The following PCDHGA9 variants were observed in gnomAD, a reference collection of about 807,000 sequenced individuals.
The protein encoded by PCDHGA9 is protocadherin gamma subfamily A, 9, also known as protocadherin gamma-A9.
In PCDHGA9, 37 loss-of-function variants were observed where a neutral mutation model predicts 62.5. The observed-to-expected ratio is 0.59, with a 90% CI of 0.46 to 0.78. The LOEUF is 0.78. Among genes scored for constraint, PCDHGA9 ranks in the 30% least tolerant of loss-of-function variants. PCDHGA9 has a pLI of 0.00. For missense variants in PCDHGA9, 1,138 were observed against 1,166.2 expected, an observed-to-expected ratio of 0.98 and a Z score of 0.35; for synonymous variants, 459 against 484.6, an observed-to-expected ratio of 0.95 and a Z score of 0.69.
At chr5:141,497,839 A>G (rs1399696596) in intron 2 of PCDHGA9, among the ~76,000 whole-genome samples, 1 of 152,044 alleles carries the variant, frequency 6.6e-6, no homozygotes, top group East Asian at 1.9e-4. Flanking sequence ...CCCGGCCACA[A>G]CAAACATTTT....
Position 141,404,513 on chromosome 5 carries a change from G to C in PCDHGA9, c.1561G>C (p.Asp521His). Residue 521 changes from aspartate to histidine, a missense_variant, in exon 1 of 4, where the codon GAC (aspartate) becomes CAC (histidine). Coordinates refer to ENST00000573521, the MANE Select transcript of PCDHGA9 (RefSeq NM_018921.3). ...TGVLYALCSFDYEQFRDLQMQ... is the reference protein window; with the variant it reads ...TGVLYALCSFHYEQFRDLQMQ... ...TGTGCTGTATGCTCTGTGCTCCTTT[G>C]ACTATGAGCAGTTTAGAGATTTGCA... 2 of 1,613,786 alleles carry C rather than the reference G, an allele frequency of 1.2e-6. No homozygotes were observed. Among genetic ancestry groups the C allele is most frequent in the Non-Finnish European group, 8.5e-7 (1 of 1,179,734 alleles).
chr5:141,423,503 C>T (rs1225012888), intron 1 of PCDHGA9: 2 of 1,613,984 alleles, frequency 1.2e-6, no homozygotes, highest in South Asian at 2.2e-5. Context: ...CACGAGGTCT[C>T]TCTCATTGCG....
At chr5:141,415,275 G>T in intron 1 of PCDHGA9, 5 of 1,614,212 alleles carry the variant, frequency 3.1e-6, no homozygotes, top group Non-Finnish European at 4.2e-6. Flanking sequence ...TGGTGGTAGC[G>T]GTGGCCGCGG....
chr5:141,446,138 T>C (rs1254949926), intron 1 of PCDHGA9, among the ~76,000 whole-genome samples: 1 of 152,208 alleles, frequency 6.6e-6, no homozygotes, highest in African/African-American at 2.4e-5. Context: ...GACTTAATAA[T>C]GGAATAGGTG....
intron 1 of PCDHGA9, chr5:141,428,236 G>T: frequency 5.8e-6 from 6 of 1,027,096 alleles, no homozygotes; most frequent in Non-Finnish European, 8.9e-6. Flanking sequence ...CAGCCTGCAG[G>T]AGGCACTGCC....
intron 1 of PCDHGA9, chr5:141,424,621 T>C (rs560809778): frequency 6.6e-6 from 1 of 152,346 alleles, no homozygotes; most frequent in Non-Finnish European, 1.5e-5. Context: ...TAGAGTAGTT[T>C]GTGAATATAT....
At chr5:141,408,164 A>C (rs2095051548) in intron 1 of PCDHGA9, 1 of 1,520,458 alleles carries the variant, frequency 6.6e-7, no homozygotes, top group African/African-American at 1.4e-5. Context: ...ACTTTCTCCA[A>C]CTGGAAAAGC....
rs1257933448 is a variant in PCDHGA9, at chr5:141,490,285, G to C, written c.2425-4522G>C. 3 of 1,614,106 alleles carry C rather than the reference G, an allele frequency of 1.9e-6. No homozygotes were observed. In the African/African-American group the frequency reaches 4.0e-5, roughly 22 times the overall value. On this transcript the variant is annotated intron_variant, in intron 1 of 3. Coordinates refer to ENST00000573521, the MANE Select transcript of PCDHGA9 (RefSeq NM_018921.3). This position sits in a 1 kb window ranked among gnomAD's most constrained non-coding sequence, Gnocchi z 5.4. ...GGGGGATGTCAATGACAATGCCCCAGAGGTGCTATTGGCCTCTTTGGCCAA... is the reference window on the plus strand; with the variant it reads ...GGGGGATGTCAATGACAATGCCCCACAGGTGCTATTGGCCTCTTTGGCCAA...
At chr5:141,428,134 T>C (rs746772496) in intron 1 of PCDHGA9, 1 of 1,600,266 alleles carries the variant, frequency 6.2e-7, no homozygotes, top group Non-Finnish European at 8.5e-7. Flanking sequence ...CTTTTCAGCC[T>C]GGGGCTGCAC....
chr5:141,410,847 GTC>G (rs2095431261), intron 1 of PCDHGA9: 6 of 158,244 alleles, frequency 3.8e-5, no homozygotes, highest in Admixed American at 8.9e-5. Context: ...TTTTGTCTTT[GTC>G]TTTTTTTTTT....
At chr5:141,479,619 T>C (rs1327758222) in intron 1 of PCDHGA9, 1 of 152,220 alleles carries the variant, frequency 6.6e-6, no homozygotes, top group Non-Finnish European at 1.5e-5. Flanking sequence ...AGGGAAACCA[T>C]GTCTCTTTAA....
intron 1 of PCDHGA9, chr5:141,413,019 C>T (rs1056458163): frequency 2.9e-6 from 2 of 683,106 alleles, no homozygotes; most frequent in Non-Finnish European, 4.7e-6. Flanking sequence ...ACTACACAAG[C>T]CCCACAAACC....
At chr5:141,496,373 C>T (rs1315450867) in intron 2 of PCDHGA9, among the ~76,000 whole-genome samples, 2 of 152,216 alleles carry the variant, frequency 1.3e-5, no homozygotes. Flanking sequence ...GAAGCAGGAG[C>T]TTGGGCCACC....
At chr5:141,419,203 C>A in intron 1 of PCDHGA9, 1 of 1,613,988 alleles carries the variant, frequency 6.2e-7, no homozygotes, top group South Asian at 1.1e-5. Context: ...TCAATGACAA[C>A]GCGCCGGTTT....
intron 1 of PCDHGA9, chr5:141,410,024 G>A (rs771946302): frequency 1.9e-6 from 3 of 1,613,164 alleles, no homozygotes; most frequent in South Asian, 1.1e-5. Context: ...GTCCTACCAC[G>A]TGCTGCAGGC....
chr5:141,406,906 C>T (rs1186250719), intron 1 of PCDHGA9, among the ~76,000 whole-genome samples: 1 of 152,048 alleles, frequency 6.6e-6, no homozygotes, highest in Non-Finnish European at 1.5e-5. Flanking sequence ...CTGTTTTTAG[C>T]TATAAGGAAG....
chr5:141,446,075 A>G (rs907731619), intron 1 of PCDHGA9, among the ~76,000 whole-genome samples: 1 of 152,216 alleles, frequency 6.6e-6, no homozygotes, highest in Admixed American at 6.5e-5. Context: ...GAGGCAGTGG[A>G]TGTAGAAATA....
intron 1 of PCDHGA9, chr5:141,430,664 C>G (rs2154553866): frequency 8.3e-7 from 1 of 1,209,890 alleles, no homozygotes; most frequent in East Asian, 2.6e-5. Context: ...CGGAGGAGCT[C>G]TGACTTCCCA....
intron 1 of PCDHGA9, among the ~76,000 whole-genome samples, chr5:141,439,043 G>T (rs1688170264): frequency 6.6e-6 from 1 of 151,346 alleles, no homozygotes; most frequent in Non-Finnish European, 1.5e-5. Flanking sequence ...CAGTTCATAA[G>T]ATTTCCATAT....
Sources: gnomAD v4.1 joint callset for allele counts (sites outside exome capture counted in the v4.1 genomes callset) on GRCh38, gnomAD v4.1.1 for gene constraint, Gnocchi (gnomAD v3.1) non-coding constraint, MANE v1.5 for transcripts, NCBI Gene and HGNC (gene_info 2026-07-23, HGNC 2026-07-21) for gene names.